The following SPOCK1 variants were observed in gnomAD, a reference collection of about 807,000 sequenced individuals.
SPOCK1 encodes the protein SPARC (osteonectin), cwcv and kazal like domains proteoglycan 1, also known as testican-1.
In SPOCK1, 23 loss-of-function variants were observed where a neutral mutation model predicts 55.3. The ratio of observed to expected loss-of-function variants is 0.42; its 90% CI spans 0.30 to 0.59. SPOCK1 has a LOEUF of 0.59. Among genes scored for constraint, SPOCK1 ranks in the 20% least tolerant of loss-of-function variants. The pLI, the probability that SPOCK1 is intolerant of heterozygous loss-of-function variation, is 0.22. For synonymous variants in SPOCK1, 226 were observed against 221.0 expected, an observed-to-expected ratio of 1.02 and a Z score of -0.20; for missense variants, 499 against 552.5, an observed-to-expected ratio of 0.90 and a Z score of 0.97.
intron 3 of SPOCK1, among the ~76,000 whole-genome samples, chr5:137,212,202 A>G (rs1755630581): frequency 6.6e-6 from 1 of 152,160 alleles, no homozygotes. Flanking sequence ...ACATCCAGTT[A>G]GTGTCTGCTG....
intron 6 of SPOCK1, among the ~76,000 whole-genome samples, chr5:137,004,568 T>C (rs1422488900): frequency 6.6e-6 from 1 of 152,098 alleles, no homozygotes; most frequent in Non-Finnish European, 1.5e-5. Flanking sequence ...TATCTCTATT[T>C]CTAGTAAAAC....
At chr5:137,404,824 G>C (rs180871318) in intron 2 of SPOCK1, among the ~76,000 whole-genome samples, 91 of 152,186 alleles carry the variant, frequency 6.0e-4, no homozygotes, top group African/African-American at 1.6e-3. Flanking sequence ...TTAGTTTGAT[G>C]AATCACTGAA....
chr5:137,468,606 C>A (rs752662279), intron 2 of SPOCK1, among the ~76,000 whole-genome samples: 1 of 152,134 alleles, frequency 6.6e-6, no homozygotes, highest in Non-Finnish European at 1.5e-5. Flanking sequence ...GCTGTGAAAC[C>A]CCCAAGTACA....
intron 6 of SPOCK1, among the ~76,000 whole-genome samples, chr5:137,046,186 T>A (rs939664846): frequency 1.0e-4 from 10 of 100,358 alleles, no homozygotes; most frequent in African/African-American, 3.7e-4. Context: ...GTGAAGAAAG[T>A]CATTGGTAGC....
chr5:137,102,528 T>C (rs972071205), intron 5 of SPOCK1, among the ~76,000 whole-genome samples: 1 of 152,226 alleles, frequency 6.6e-6, no homozygotes, highest in Admixed American at 6.5e-5. Flanking sequence ...TGCTTTCTAG[T>C]CTTTTATGCC....
intron 6 of SPOCK1, among the ~76,000 whole-genome samples, chr5:137,006,462 T>C (rs946795806): frequency 6.6e-6 from 1 of 152,190 alleles, no homozygotes; most frequent in African/African-American, 2.4e-5. Context: ...ATTCTCTTTG[T>C]AGCAATTGTG....
chr5:137,338,799 TG>T (rs1750347539), intron 2 of SPOCK1, among the ~76,000 whole-genome samples: 1 of 152,228 alleles, frequency 6.6e-6, no homozygotes, highest in South Asian at 2.1e-4. Context: ...ATGTGTTTTT[TG>T]GCCGCATAAA....
chr5:137,467,701 G>C (rs1199342851), intron 2 of SPOCK1, among the ~76,000 whole-genome samples: 1 of 152,150 alleles, frequency 6.6e-6, no homozygotes, highest in Non-Finnish European at 1.5e-5. Flanking sequence ...AGTTAACCAG[G>C]TAAAGGGCAG....
At chr5:137,098,017 G>A (rs1753187361) in intron 5 of SPOCK1, among the ~76,000 whole-genome samples, 2 of 152,300 alleles carry the variant, frequency 1.3e-5, no homozygotes, top group South Asian at 4.1e-4. Context: ...GGGGAGGACT[G>A]GTGTGCTACA....
At chr5:137,112,386 A>C in intron 5 of SPOCK1, 49 bp downstream of exon 5, 1 of 1,600,206 alleles carries the variant, frequency 6.2e-7, no homozygotes, top group South Asian at 1.1e-5. Flanking sequence ...GTGTTAGAAC[A>C]AGCCGACATG....
At chr5:137,366,061 G>A (rs1031856951) in intron 2 of SPOCK1, among the ~76,000 whole-genome samples, 1 of 152,186 alleles carries the variant, frequency 6.6e-6, no homozygotes, top group African/African-American at 2.4e-5. Context: ...GGGAGGCAGG[G>A]ACAGGGGACA....
chr5:137,019,366 T>C (rs1033069507), intron 6 of SPOCK1, among the ~76,000 whole-genome samples: 3 of 152,176 alleles, frequency 2.0e-5, no homozygotes, highest in Non-Finnish European at 4.4e-5. Context: ...TATGTGTGTA[T>C]CATGTTATAC....
intron 3 of SPOCK1, among the ~76,000 whole-genome samples, chr5:137,241,291 T>A (rs906855404): frequency 1.3e-5 from 2 of 151,972 alleles, no homozygotes; most frequent in African/African-American, 4.8e-5. Flanking sequence ...ATAAGCAAAG[T>A]CAAAAGACAA....
intron 4 of SPOCK1, among the ~76,000 whole-genome samples, chr5:137,115,318 A>G (rs1348307234): frequency 6.6e-6 from 1 of 152,206 alleles, no homozygotes; most frequent in African/African-American, 2.4e-5. Context: ...GTGAGAAACT[A>G]GAGACACAGA....
intron 2 of SPOCK1, among the ~76,000 whole-genome samples, chr5:137,369,005 G>T (rs1751139202): frequency 6.6e-6 from 1 of 152,216 alleles, no homozygotes; most frequent in African/African-American, 2.4e-5. Flanking sequence ...ATACTTGCAG[G>T]CTTTAACTCG....
intron 4 of SPOCK1, among the ~76,000 whole-genome samples, chr5:137,139,441 C>A (rs1754049414): frequency 6.6e-6 from 1 of 152,040 alleles, no homozygotes; most frequent in South Asian, 2.1e-4. Flanking sequence ...TTAAAACATA[C>A]CCCCAGAGGA....
intron 7 of SPOCK1, among the ~76,000 whole-genome samples, chr5:136,992,027 T>C (rs572343485): frequency 6.6e-6 from 1 of 152,352 alleles, no homozygotes; most frequent in South Asian, 2.1e-4. Flanking sequence ...TAGCCTAACA[T>C]TGGCAACAAC....
intron 2 of SPOCK1, among the ~76,000 whole-genome samples, chr5:137,281,286 T>C (rs1458136234): frequency 6.6e-6 from 1 of 152,152 alleles, no homozygotes. Context: ...AAATCTACAG[T>C]ATAAGGTCCA....
chr5:137,183,245 C>A (rs1378882486), intron 3 of SPOCK1, among the ~76,000 whole-genome samples: 1 of 152,148 alleles, frequency 6.6e-6, no homozygotes, highest in African/African-American at 2.4e-5. Flanking sequence ...GAAGAATGAG[C>A]AGGCACTAAG....
Sources: gnomAD v4.1 joint callset for allele counts (sites outside exome capture counted in the v4.1 genomes callset) on GRCh38, gnomAD v4.1.1 for gene constraint, MANE v1.5 for transcripts, NCBI Gene and HGNC (gene_info 2026-07-23, HGNC 2026-07-21) for gene names.